The following CDKAL1 variants were observed in gnomAD, a reference collection of about 807,000 sequenced individuals.
CDKAL1 encodes threonylcarbamoyladenosine tRNA methylthiotransferase.
In CDKAL1, 32 loss-of-function variants were observed where a neutral mutation model predicts 68.2. The observed-to-expected ratio is 0.47, with a 90% CI of 0.35 to 0.63. The LOEUF (loss-of-function observed/expected upper bound fraction) is 0.63, where lower values mean the gene tolerates loss of function less well. Among genes scored for constraint, CDKAL1 ranks in the 30% least tolerant of loss-of-function variants. The probability of loss-of-function intolerance (pLI) is 0.00; values close to 1 mark genes in which losing one functional copy is unlikely to be tolerated. For synonymous variants in CDKAL1, 234 were observed against 244.3 expected (o/e 0.96, Z 0.39); for missense variants, 606 against 696.7 (o/e 0.87, Z 1.47).
intron 9 of CDKAL1, among the ~76,000 whole-genome samples, chr6:20,868,640 C>T (rs1161976109): frequency 6.6e-6 from 1 of 152,198 alleles, no homozygotes; most frequent in Non-Finnish European, 1.5e-5. Flanking sequence ...TTGCACCTGC[C>T]AGGGCTAGCG....
At chr6:21,093,828 C>T (rs1030342195) in intron 12 of CDKAL1, among the ~76,000 whole-genome samples, 11 of 147,660 alleles carry the variant, frequency 7.4e-5, no homozygotes, top group African/African-American at 2.5e-4. Context: ...CTCAAGCAAT[C>T]CTCCCACCTC....
chr6:20,609,267 C>CCTT (rs1282862173), intron 4 of CDKAL1, among the ~76,000 whole-genome samples: 129 of 22,320 alleles, frequency 5.8e-3, no homozygotes, highest in Middle Eastern at 0.024. Context: ...CTTCCTTCCT[C>CCTT]CTCCTTCTCC....
At position 20,586,991 on chromosome 6, in the gene CDKAL1, T is replaced by TG. The variant is rs1276620370; in HGVS notation, c.286+38286_286+38287insG. On this transcript the variant is annotated intron_variant, in intron 4 of 15. Transcript: ENST00000274695. Reference sequence around the variant, plus strand: ...CTTCCTCCAGGTGTTTTTTTTTTTTTTTTTTTTTTTTTGAGACGGAGTTTT... The same window carrying TG: ...CTTCCTCCAGGTGTTTTTTTTTTTTTGTTTTTTTTTTTTGAGACGGAGTTTT... Among the ~76,000 whole-genome samples the TG allele has an allele frequency of 1.6e-3, 230 of 144,306 alleles. 8 individuals carry two copies. The East Asian group carries it at 0.035, about 22-fold the overall frequency. 94.7% of individuals were successfully genotyped at this position (144,306 alleles called of 152,430 possible). A position where few individuals can be genotyped will look rare whatever the true frequency, so the allele number is the denominator to read the frequency against.
At chr6:20,820,437 G>A (rs1236865844) in intron 8 of CDKAL1, among the ~76,000 whole-genome samples, 1 of 152,078 alleles carries the variant, frequency 6.6e-6, no homozygotes. Flanking sequence ...GAATTTAAAG[G>A]TAAGGCAAAT....
intron 8 of CDKAL1, 104 bp downstream of exon 8, chr6:20,781,369 G>A (rs1775423364): frequency 1.9e-6 from 2 of 1,031,042 alleles, no homozygotes; most frequent in Non-Finnish European, 2.7e-6. Flanking sequence ...ACATTTTCTT[G>A]GGAAAGAAAA....
chr6:21,218,845 G>A (rs1256972454), intron 15 of CDKAL1, among the ~76,000 whole-genome samples: 2 of 152,210 alleles, frequency 1.3e-5, no homozygotes, highest in Admixed American at 6.5e-5. Flanking sequence ...CCAAGGGGAA[G>A]AGATTACATA....
At chr6:20,916,977 GTTTGTT>G (rs1356549468) in intron 9 of CDKAL1, among the ~76,000 whole-genome samples, 3 of 152,058 alleles carry the variant, frequency 2.0e-5, no homozygotes, top group African/African-American at 4.8e-5. Context: ...TTGTCTTTTT[GTTTGTT>G]TTTGTTTTTG....
Position 20,778,549 on chromosome 6 carries a change from A to G in CDKAL1, c.518-2596A>G, listed in dbSNP as rs1386937337. On this transcript the variant is annotated intron_variant, in intron 7 of 15. Transcript: ENST00000274695. ...GTAGTGTAAGGAATTGGCACATGCA[A>G]CCATGGAGGCTGAGAAGTCCCAAGA... 2.0e-5 allele frequency among the ~76,000 whole-genome samples: 3 copies of G among 152,326 alleles called. No individual in the cohort carries two copies. In the East Asian group the frequency reaches 5.8e-4, roughly 29 times the overall value.
At chr6:20,756,174 C>G (rs1476481508) in intron 6 of CDKAL1, 1 of 152,204 alleles carries the variant, frequency 6.6e-6, no homozygotes, top group Non-Finnish European at 1.5e-5. Context: ...TCTACAGCTC[C>G]TTTGCCTACT....
intron 10 of CDKAL1, among the ~76,000 whole-genome samples, chr6:20,968,560 G>C (rs908216718): frequency 1.3e-5 from 2 of 151,964 alleles, no homozygotes; most frequent in East Asian, 3.9e-4. Flanking sequence ...TTATGTGTTT[G>C]TTGGTGTGCT....
At chr6:20,808,030 TC>T (rs1776645447) in intron 8 of CDKAL1, among the ~76,000 whole-genome samples, 3 of 152,220 alleles carry the variant, frequency 2.0e-5, no homozygotes, top group African/African-American at 7.2e-5. Flanking sequence ...ATGAATTTGC[TC>T]AGTTAAAATC....
chr6:20,613,630 T>A (rs1766751159), intron 4 of CDKAL1, among the ~76,000 whole-genome samples: 1 of 149,312 alleles, frequency 6.7e-6, no homozygotes, highest in African/African-American at 2.4e-5. Flanking sequence ...ATTTTGAGGA[T>A]ATGGGATATT....
At chr6:20,962,728 C>T (rs1765113556) in intron 10 of CDKAL1, among the ~76,000 whole-genome samples, 2 of 152,276 alleles carry the variant, frequency 1.3e-5, no homozygotes, top group South Asian at 4.1e-4. Flanking sequence ...ATATTCTCTA[C>T]TGTTGTATAC....
At chr6:20,885,256 C>A (rs560955222) in intron 9 of CDKAL1, among the ~76,000 whole-genome samples, 1 of 152,142 alleles carries the variant, frequency 6.6e-6, no homozygotes, top group Admixed American at 6.5e-5. Flanking sequence ...ACTCACACTC[C>A]CCAATTTCAG....
rs1194602361 is a variant in CDKAL1, at chr6:20,790,952, G to A, written c.638+9687G>A. On this transcript the variant is annotated intron_variant, in intron 8 of 15. Coordinates refer to ENST00000274695, the MANE Select transcript of CDKAL1 (RefSeq NM_017774.3). ...ACAGTGTAGAAAACCAATAAGGAAA[G>A]GGTAGGTTAAAGTAAAATTGGTGGA... Among the ~76,000 whole-genome samples, 4 of 152,214 alleles carry A rather than the reference G, an allele frequency of 2.6e-5. No individual in the cohort carries two copies. In the East Asian group the frequency reaches 7.7e-4, roughly 29 times the overall value.
At chr6:21,180,283 T>C (rs551508509) in intron 13 of CDKAL1, among the ~76,000 whole-genome samples, 1 of 152,264 alleles carries the variant, frequency 6.6e-6, no homozygotes, top group African/African-American at 2.4e-5. Context: ...AACTTTCTTA[T>C]GAATCCTTCC....
chr6:21,017,195 A>G (rs990665931), intron 11 of CDKAL1, among the ~76,000 whole-genome samples: 1 of 152,142 alleles, frequency 6.6e-6, no homozygotes, highest in African/African-American at 2.4e-5. Context: ...AGACTCCCCC[A>G]TATAACATAA....
intron 15 of CDKAL1, among the ~76,000 whole-genome samples, chr6:21,213,004 C>T (rs570128917): frequency 2.6e-5 from 4 of 152,260 alleles, no homozygotes; most frequent in South Asian, 4.2e-4. Context: ...AACCATCAGC[C>T]GACTTTATCA....
chr6:20,743,903 C>G (rs890481945), intron 6 of CDKAL1, among the ~76,000 whole-genome samples: 3 of 151,988 alleles, frequency 2.0e-5, no homozygotes, highest in African/African-American at 7.3e-5. Context: ...AAAGTTTTAG[C>G]CAAAATCTTT....
Sources: allele counts gnomAD v4.1 joint callset (sites outside exome capture counted in the v4.1 genomes callset), GRCh38; gene constraint gnomAD v4.1.1; transcripts MANE v1.5; gene names NCBI Gene and HGNC (gene_info 2026-07-23, HGNC 2026-07-21).